CEP112: variants seen among roughly 807,000 people sequenced by gnomAD.
The protein encoded by CEP112 is centrosomal protein of 112 kDa.
A neutral mutation model predicts 153.0 loss-of-function variants in CEP112; 127 were observed. The ratio of observed to expected loss-of-function variants is 0.83; its 90% confidence interval spans 0.72 to 0.96. The LOEUF (loss-of-function observed/expected upper bound fraction) is 0.96, where lower values mean the gene tolerates loss of function less well. Among genes scored for constraint, CEP112 ranks in the 40% least tolerant of loss-of-function variants. The pLI, the probability that CEP112 is intolerant of heterozygous loss-of-function variation, is 0.00. For missense variants in CEP112, 1,089 were observed against 1,101.2 expected, an observed-to-expected ratio of 0.99 and a Z score of 0.16; for synonymous variants, 358 against 374.4, an observed-to-expected ratio of 0.96 and a Z score of 0.51.
chr17:66,023,498 T>C (rs914639678), intron 16 of CEP112, among the ~76,000 whole-genome samples: 6 of 152,130 alleles, frequency 3.9e-5, no homozygotes, highest in Non-Finnish European at 8.8e-5. Context: ...AAATACAAAG[T>C]ATTTCCCAGA....
At chr17:65,920,504 C>A (rs556722199) in intron 19 of CEP112, among the ~76,000 whole-genome samples, 1 of 145,896 alleles carries the variant, frequency 6.9e-6, no homozygotes, top group East Asian at 2.0e-4. Flanking sequence ...CAGAGTAGTG[C>A]CTGGTCCAGG....
At position 66,175,040 on chromosome 17, in the gene CEP112, A is replaced by T; in HGVS notation, c.470+4T>A. The stretch of plus-strand genomic sequence containing the variant: ...ACATTCAAAATCCCATTCTCTTTAC[A>T]TACCTGTAGACATCAGTTGGCGACT... On this transcript the variant is annotated splice_donor_region_variant and intron_variant, in intron 4 of 26. Transcript: ENST00000535342. The T allele has an allele frequency of 1.3e-6, 2 of 1,550,488 alleles. No individual in the cohort carries two copies. The highest frequency in any genetic ancestry group is 1.7e-6 in the Non-Finnish European group (2 of 1,146,978).
At chr17:65,841,292 T>C (rs1268913053) in intron 21 of CEP112, among the ~76,000 whole-genome samples, 1 of 152,076 alleles carries the variant, frequency 6.6e-6, no homozygotes, top group Non-Finnish European at 1.5e-5. Flanking sequence ...ATGTGCGATA[T>C]ATACACAACA....
chr17:65,922,351 A>C (rs2060763967), intron 19 of CEP112, among the ~76,000 whole-genome samples: 1 of 152,060 alleles, frequency 6.6e-6, no homozygotes, highest in Non-Finnish European at 1.5e-5. Flanking sequence ...TAATTTTATA[A>C]GGAGAGTTAC....
At chr17:66,050,089 T>C (rs947139595) in intron 12 of CEP112, among the ~76,000 whole-genome samples, 2 of 152,188 alleles carry the variant, frequency 1.3e-5, no homozygotes, top group African/African-American at 4.8e-5. Context: ...TTTACATATA[T>C]AAAAATCAAA....
At chr17:65,717,691 G>A (rs1010866698) in intron 23 of CEP112, among the ~76,000 whole-genome samples, 1 of 152,162 alleles carries the variant, frequency 6.6e-6, no homozygotes, top group African/African-American at 2.4e-5. Flanking sequence ...CTCAAACCCT[G>A]TATCCCAAAC....
At chr17:65,999,818 G>C (rs2063946308) in intron 17 of CEP112, among the ~76,000 whole-genome samples, 1 of 152,062 alleles carries the variant, frequency 6.6e-6, no homozygotes, top group African/African-American at 2.4e-5. Context: ...ACAACATGCG[G>C]TATTTGGTTT....
intron 4 of CEP112, among the ~76,000 whole-genome samples, chr17:66,158,585 C>A (rs2071551625): frequency 1.3e-5 from 2 of 151,998 alleles, no homozygotes; most frequent in South Asian, 2.1e-4. Flanking sequence ...GCACTCCAGC[C>A]TGGATGACAG....
chr17:66,012,220 C>T (rs1216045443), intron 16 of CEP112, among the ~76,000 whole-genome samples: 1 of 152,138 alleles, frequency 6.6e-6, no homozygotes, highest in Non-Finnish European at 1.5e-5. Context: ...GCATTTTGCC[C>T]ATTTACATTC....
At chr17:65,814,146 G>T (rs2056137652) in intron 21 of CEP112, among the ~76,000 whole-genome samples, 1 of 152,166 alleles carries the variant, frequency 6.6e-6, no homozygotes, top group Non-Finnish European at 1.5e-5. Flanking sequence ...AATCTGTTCA[G>T]AGAGGTTACT....
intron 21 of CEP112, among the ~76,000 whole-genome samples, chr17:65,763,517 T>C (rs2052740455): frequency 6.6e-6 from 1 of 152,052 alleles, no homozygotes; most frequent in Non-Finnish European, 1.5e-5. Flanking sequence ...TCTTTTTTTT[T>C]CTCTTTGTTT....
chr17:65,669,720 G>A (rs575516137), intron 24 of CEP112, among the ~76,000 whole-genome samples: 17 of 152,122 alleles, frequency 1.1e-4, no homozygotes, highest in African/African-American at 2.2e-4. Flanking sequence ...TGGCTAACAC[G>A]GTGAAACCCT....
intron 6 of CEP112, among the ~76,000 whole-genome samples, chr17:66,122,338 A>G (rs1296240275): frequency 6.6e-6 from 1 of 152,154 alleles, no homozygotes; most frequent in Admixed American, 6.5e-5. Context: ...TAAGGGCCAT[A>G]CTTTCCTGTT....
intron 18 of CEP112, among the ~76,000 whole-genome samples, chr17:65,960,078 C>T (rs1023853425): frequency 2.0e-5 from 3 of 152,146 alleles, no homozygotes; most frequent in Non-Finnish European, 4.4e-5. Flanking sequence ...TTCTCCCACC[C>T]AGTGTGTGCT....
chr17:66,166,619 C>T (rs562202074), intron 4 of CEP112, among the ~76,000 whole-genome samples: 4 of 152,116 alleles, frequency 2.6e-5, no homozygotes, highest in South Asian at 4.2e-4. Context: ...AGTTACCAGC[C>T]GAGCACGGTG....
At chr17:65,641,711 ACTC>A (rs1243611346) in intron 24 of CEP112, among the ~76,000 whole-genome samples, 7 of 152,104 alleles carry the variant, frequency 4.6e-5, no homozygotes, top group Non-Finnish European at 1.0e-4. Context: ...GGGCCACTGC[ACTC>A]CAGTCTGGGT....
At position 66,092,273 on chromosome 17, in the gene CEP112, C is replaced by T. The variant is rs112023081; in HGVS notation, c.768+3978G>A. On this transcript the variant is annotated intron_variant, in intron 8 of 26. Transcript: ENST00000535342. ...AAGGCTAATCTCAAACTGCTGACCT[C>T]GGGTTATCTGCCCACCTCAGCCTCC... 6.1e-3 allele frequency among the ~76,000 whole-genome samples: 923 copies of T among 151,662 alleles called. 8 individuals carry two copies. The highest frequency in any genetic ancestry group is 0.021 in the African/African-American group (884 of 41,326).
At chr17:66,097,708 C>T (rs2068407071) in intron 6 of CEP112, among the ~76,000 whole-genome samples, 1 of 152,102 alleles carries the variant, frequency 6.6e-6, no homozygotes, top group South Asian at 2.1e-4. Flanking sequence ...AGCACAATAT[C>T]TAATGTATAG....
intron 4 of CEP112, among the ~76,000 whole-genome samples, chr17:66,147,841 G>C (rs188569977): frequency 6.6e-6 from 1 of 152,232 alleles, no homozygotes; most frequent in African/African-American, 2.4e-5. Context: ...TTATTTCTGG[G>C]CTATTGTATT....
Sources: allele counts gnomAD v4.1 joint callset (sites outside exome capture counted in the v4.1 genomes callset), GRCh38; gene constraint gnomAD v4.1.1; transcripts MANE v1.5; gene names NCBI Gene and HGNC (gene_info 2026-07-23, HGNC 2026-07-21).